The following MORC1 variants were observed in gnomAD, a reference collection of about 807,000 sequenced individuals.
MORC1 encodes the protein MORC family CW-type zinc finger protein 1.
In MORC1, 59 loss-of-function variants were observed where a neutral mutation model predicts 134.9. The ratio of observed to expected loss-of-function variants is 0.44; its 90% CI spans 0.35 to 0.54. MORC1 has a LOEUF of 0.54. MORC1 is among the 20% of genes least tolerant of loss of function. The pLI, the probability that MORC1 is intolerant of heterozygous loss-of-function variation, is 0.00. For synonymous variants in MORC1, 395 were observed against 391.7 expected (o/e 1.01, Z -0.10); for missense variants, 947 against 1,134.5 (o/e 0.83, Z 2.37).
At chr3:109,103,004 T>C (rs1950958643) in intron 4 of MORC1, among the ~76,000 whole-genome samples, 1 of 152,124 alleles carries the variant, frequency 6.6e-6, no homozygotes, top group Non-Finnish European at 1.5e-5. Context: ...AGGGGAAACT[T>C]CAGAGCTGAA....
chr3:109,032,639 G>A (rs1012347676), intron 16 of MORC1, 81 bp downstream of exon 16: 13 of 956,982 alleles, frequency 1.4e-5, no homozygotes, highest in Non-Finnish European at 1.9e-5. Flanking sequence ...CTATATTATA[G>A]ATTGACATTT....
chr3:109,055,838 T>C (rs1388882192), intron 13 of MORC1, among the ~76,000 whole-genome samples: 1 of 152,056 alleles, frequency 6.6e-6, no homozygotes, highest in Non-Finnish European at 1.5e-5. Flanking sequence ...CAGATGGTGA[T>C]AAGTGGGGTG....
In MORC1 at chr3:109,000,585, T is replaced by C; in HGVS notation, c.2159A>G (p.Glu720Gly). Residue 720 changes from glutamate to glycine, a missense_variant, in exon 21 of 28, where the codon GAG (glutamate) becomes GGG (glycine). Physicochemically the swap from Glu to Gly is moderately conservative, Grantham distance 98 (BLOSUM62 -2). This residue lies in a region of MORC1 where 722 missense variants were observed against 817.0 expected (regional missense o/e 0.88). Coordinates refer to ENST00000232603, the MANE Select transcript of MORC1 (RefSeq NM_014429.4). ...GATTATATCTGAATCACTCGTGTTC[T>C]CATCTTCAGTCAATACCTTACATTC... ...VEECKVLTED[E>G]NTSDSDIILV... The C allele has an allele frequency of 6.2e-7, 1 of 1,610,734 alleles. No individual in the cohort carries two copies. The highest frequency in any genetic ancestry group is 2.2e-5 in the East Asian group (1 of 44,808).
chr3:108,990,410 C>T (rs1948013608), intron 21 of MORC1, among the ~76,000 whole-genome samples: 1 of 152,078 alleles, frequency 6.6e-6, no homozygotes, highest in South Asian at 2.1e-4. Context: ...ATGCCAGGCA[C>T]ACTCCTCTCA....
In MORC1 at chr3:109,077,600, GA is replaced by G. The variant is rs200653834; in HGVS notation, c.690-7844del. On this transcript the variant is annotated intron_variant, in intron 8 of 27. Transcript: ENST00000232603. ...AACTAATTTGCAAATCATTAGAATA[GA>G]AAAAAAATAAACTTTTCCTTTTGGG... 1.7e-3 allele frequency among the ~76,000 whole-genome samples: 260 copies of G among 151,026 alleles called. 5 individuals are homozygous for G. The East Asian group carries it at 0.039, about 22-fold the overall frequency.
intron 10 of MORC1, among the ~76,000 whole-genome samples, chr3:109,062,422 CTTT>C (rs757502962): frequency 2.9e-5 from 4 of 138,998 alleles, no homozygotes; most frequent in Admixed American, 1.4e-4. Context: ...GAACATCCTT[CTTT>C]TTTTTTTTTT....
At chr3:108,988,720 T>C (rs960951650) in intron 21 of MORC1, among the ~76,000 whole-genome samples, 1 of 152,196 alleles carries the variant, frequency 6.6e-6, no homozygotes, top group African/African-American at 2.4e-5. Context: ...CTTTGGTAAC[T>C]TTCTTTTATG....
Position 109,117,331 on chromosome 3 carries a change from C to CAA in MORC1, c.65+662_65+663dup, listed in dbSNP as rs202128565. On this transcript the variant is annotated intron_variant, in intron 1 of 27. Transcript: ENST00000232603. ...GTAAATCCAAATTACCAAAAGATGT[C>CAA]AAAAAAAAAAAAAAAAAAAAAAGAA... Among the ~76,000 whole-genome samples the CAA allele has an allele frequency of 1.1e-3, 124 of 113,612 alleles. 1 individual carries two copies. The highest frequency in any genetic ancestry group is 2.3e-3 in the African/African-American group (69 of 29,682). 74.5% of individuals were successfully genotyped at this position (113,612 alleles called of 152,430 possible). A position where few individuals can be genotyped will look rare whatever the true frequency, so the allele number is the denominator to read the frequency against.
intron 4 of MORC1, 70 bp from the exon 5 acceptor site, chr3:109,100,577 G>A: frequency 8.7e-7 from 1 of 1,153,392 alleles, no homozygotes; most frequent in Non-Finnish European, 1.3e-6. Context: ...CCAGCTGTCA[G>A]GACCTCACAT....
At chr3:108,970,840 C>A (rs2121810) in intron 25 of MORC1, among the ~76,000 whole-genome samples, 30,621 of 152,148 alleles carry the variant, frequency 0.2, 3,450 homozygotes, top group Middle Eastern at 0.33. Flanking sequence ...CTTTGCACCC[C>A]AAGCAGCTGT....
At chr3:109,035,965 C>T (rs1407487629) in intron 14 of MORC1, among the ~76,000 whole-genome samples, 1 of 152,092 alleles carries the variant, frequency 6.6e-6, no homozygotes, top group African/African-American at 2.4e-5. Context: ...ATCCTATCCC[C>T]AAATTGTGTA....
At chr3:109,116,782 A>C (rs938572529) in intron 1 of MORC1, among the ~76,000 whole-genome samples, 1 of 152,090 alleles carries the variant, frequency 6.6e-6, no homozygotes, top group Non-Finnish European at 1.5e-5. Context: ...CCTGTCTCCA[A>C]ATCCAACCAA....
At chr3:109,072,257 A>T (rs1297379367) in intron 8 of MORC1, among the ~76,000 whole-genome samples, 2 of 152,154 alleles carry the variant, frequency 1.3e-5, no homozygotes, top group East Asian at 3.8e-4. Flanking sequence ...TTCTCCAGCC[A>T]TGCAATCAGG....
intron 14 of MORC1, among the ~76,000 whole-genome samples, chr3:109,052,702 G>A (rs185037993): frequency 6.6e-6 from 1 of 152,242 alleles, no homozygotes; most frequent in East Asian, 1.9e-4. Context: ...TGACTCAAGG[G>A]TAGAGACATA....
At position 109,055,144 on chromosome 3, in the gene MORC1, C is replaced by T. The variant is rs541318412; in HGVS notation, c.1176-262G>A. ...CTCGTTTTACAAATCTATCGCCTTA[C>T]GTGGAGAGTGAGGGTGGGTGGGAAG... On this transcript the variant is annotated intron_variant, in intron 13 of 27. Transcript: ENST00000232603. 2.0e-4 allele frequency among the ~76,000 whole-genome samples: 31 copies of T among 152,200 alleles called. No individual in the cohort carries two copies. In the South Asian group the frequency reaches 6.4e-3, roughly 32 times the overall value.
intron 6 of MORC1, among the ~76,000 whole-genome samples, chr3:109,097,558 C>A (rs1950851682): frequency 6.6e-6 from 1 of 152,050 alleles, no homozygotes; most frequent in African/African-American, 2.4e-5. Flanking sequence ...AAGGGCAGAT[C>A]ACAGGATGGC....
intron 5 of MORC1, 141 bp from the exon 6 acceptor site, chr3:109,099,607 A>ATTTTTT: frequency 2.1e-6 from 1 of 470,372 alleles, no homozygotes; most frequent in Non-Finnish European, 3.5e-6. Context: ...AGAGGGTACA[A>ATTTTTT]TTTTTTTTTT....
intron 23 of MORC1, among the ~76,000 whole-genome samples, chr3:108,983,864 G>A (rs1459358518): frequency 1.3e-5 from 2 of 152,150 alleles, no homozygotes; most frequent in African/African-American, 4.8e-5. Flanking sequence ...ACAAAGGGGG[G>A]ATGAGAAGAT....
chr3:109,008,197 C>G (rs2107541643), intron 17 of MORC1, among the ~76,000 whole-genome samples: 1 of 152,196 alleles, frequency 6.6e-6, no homozygotes, highest in East Asian at 1.9e-4. Flanking sequence ...TGGATCTTCT[C>G]AATCTTTTAC....
Sources: allele counts gnomAD v4.1 joint callset (sites outside exome capture counted in the v4.1 genomes callset), GRCh38; gene constraint gnomAD v4.1.1; regional missense constraint gnomAD v4.1.1; transcripts MANE v1.5; gene names NCBI Gene and HGNC (gene_info 2026-07-23, HGNC 2026-07-21).